The following TENM3 variants were observed in gnomAD, a reference collection of about 807,000 sequenced individuals.
The protein encoded by TENM3 is teneurin-3.
A neutral mutation model predicts 255.1 loss-of-function variants in TENM3; 63 were observed. That is an observed-to-expected ratio of 0.25 (90% CI 0.20 to 0.30). The LOEUF (loss-of-function observed/expected upper bound fraction) is 0.30. Ranked by LOEUF, TENM3 falls within the 10% of genes least tolerant of loss-of-function variation. TENM3 has a pLI of 1.00. For synonymous variants in TENM3, 1,306 were observed against 1,322.3 expected (o/e 0.99, Z 0.27); for missense variants, 2,929 against 3,461.1 (o/e 0.85, Z 3.86).
chr4:181,699,278 A>G, the TENM3 span, among the ~76,000 whole-genome samples: 1 of 151,740 alleles, frequency 6.6e-6, no homozygotes, highest in African/African-American at 2.4e-5. Flanking sequence ...AAAAAATACA[A>G]AAATTAGCCA....
At chr4:181,892,758 CGCGGT>C in the TENM3 span, among the ~76,000 whole-genome samples, 1 of 152,090 alleles carries the variant, frequency 6.6e-6, no homozygotes, top group African/African-American at 2.4e-5. Context: ...AACATGAGCC[CGCGGT>C]GGTTTTTCTC....
At chr4:182,411,389 C>T (rs1580450240) in intron 3 of TENM3, among the ~76,000 whole-genome samples, 2 of 152,302 alleles carry the variant, frequency 1.3e-5, no homozygotes, top group South Asian at 4.1e-4. Context: ...CACTATCCCT[C>T]CTGGGATCAA....
the TENM3 span, among the ~76,000 whole-genome samples, chr4:181,910,654 G>A: frequency 0.025 from 3,662 of 148,816 alleles, 146 homozygotes; most frequent in African/African-American, 0.085. Flanking sequence ...GTGTGTGTGT[G>A]TATTTTAGAG....
chr4:182,154,655 T>TC lies in TENM3; in HGVS notation c.-76+9903dup, dbSNP rs1750582373. 8.5e-5 allele frequency among the ~76,000 whole-genome samples: 13 copies of TC among 152,270 alleles called. No individual in the cohort carries two copies. In the South Asian group the frequency reaches 2.7e-3, roughly 32 times the overall value. On this transcript the variant is annotated intron_variant, in intron 1 of 2. Transcript: ENST00000512480. ...TACTCAGTCATTTAAGTGGGGTACC[T>TC]CCTCAGTACAGTCTGCAAAGTCCAT...
At chr4:181,888,529 T>G in the TENM3 span, among the ~76,000 whole-genome samples, 1 of 81,750 alleles carries the variant, frequency 1.2e-5, no homozygotes, top group African/African-American at 5.7e-5. Flanking sequence ...TATATATACA[T>G]ATATGTGTAT....
At chr4:181,705,160 C>T in the TENM3 span, among the ~76,000 whole-genome samples, 1 of 152,088 alleles carries the variant, frequency 6.6e-6, no homozygotes, top group Admixed American at 6.6e-5. Flanking sequence ...CAACATAATA[C>T]ATTTATTCCA....
chr4:181,664,491 C>CAAA, the TENM3 span, among the ~76,000 whole-genome samples: 3 of 48,418 alleles, frequency 6.2e-5, no homozygotes, highest in Admixed American at 2.0e-4. Flanking sequence ...AAAAACAAAA[C>CAAA]AAAAAAATAG....
the TENM3 span, among the ~76,000 whole-genome samples, chr4:181,872,609 T>A: frequency 6.6e-6 from 1 of 152,230 alleles, no homozygotes; most frequent in African/African-American, 2.4e-5. Context: ...TATTTCTTTA[T>A]TATCCTTTGA....
the TENM3 span, among the ~76,000 whole-genome samples, chr4:181,693,609 T>G: frequency 2.0e-5 from 3 of 152,174 alleles, no homozygotes; most frequent in African/African-American, 7.2e-5. Context: ...AGTCCTCATT[T>G]TTAAGCTCCA....
intron 3 of TENM3, among the ~76,000 whole-genome samples, chr4:182,436,372 C>T (rs547382621): frequency 1.2e-3 from 187 of 152,284 alleles, no homozygotes; most frequent in African/African-American, 4.0e-3. Flanking sequence ...TCATACTCAC[C>T]AGCTGCCCTG....
chr4:182,528,703 A>G (rs1334732132), intron 3 of TENM3, among the ~76,000 whole-genome samples: 1 of 152,252 alleles, frequency 6.6e-6, no homozygotes, highest in East Asian at 1.9e-4. Context: ...TTTAAACTGC[A>G]GGGTTGTCCA....
Position 182,561,985 on chromosome 4 carries a change from C to CAGATAGATAGATAGAT in TENM3, c.512-38905_512-38890dup, listed in dbSNP as rs60745078. On this transcript the variant is annotated intron_variant, in intron 3 of 27. Transcript: ENST00000511685. ...GTGTATATCCAGATAGATAGATAGACAGATAGATAGATAGATAGATAGATA... is the reference window on the plus strand; with the variant it reads ...GTGTATATCCAGATAGATAGATAGACAGATAGATAGATAGATAGATAGATAGATAGATAGATAGATA... Among the ~76,000 whole-genome samples the CAGATAGATAGATAGAT allele has an allele frequency of 1.9e-3, 270 of 145,308 alleles. 1 individual carries two copies. The highest frequency in any genetic ancestry group is 2.6e-3 in the African/African-American group (103 of 39,118).
At chr4:181,480,508 A>T in the TENM3 span, among the ~76,000 whole-genome samples, 2 of 152,066 alleles carry the variant, frequency 1.3e-5, no homozygotes, top group Non-Finnish European at 2.9e-5. Flanking sequence ...TGAACTGGTG[A>T]TATTATTCTA....
intron 3 of TENM3, among the ~76,000 whole-genome samples, chr4:182,583,579 G>A (rs995397434): frequency 9.2e-5 from 14 of 151,742 alleles, no homozygotes; most frequent in Admixed American, 5.3e-4. Flanking sequence ...TATAAGAATC[G>A]TCTTCTTTTC....
the TENM3 span, among the ~76,000 whole-genome samples, chr4:181,549,204 G>A: frequency 0.26 from 40,178 of 152,038 alleles, 5,764 homozygotes; most frequent in African/African-American, 0.4. Flanking sequence ...CTTTGACTAG[G>A]GAGAAACAGT....
chr4:181,609,826 G>A, the TENM3 span, among the ~76,000 whole-genome samples: 2 of 152,226 alleles, frequency 1.3e-5, no homozygotes, highest in African/African-American at 4.8e-5. Context: ...AATGTATGAG[G>A]CGCTGCAATA....
chr4:182,582,886 G>T (rs760594974), intron 3 of TENM3, among the ~76,000 whole-genome samples: 1 of 152,172 alleles, frequency 6.6e-6, no homozygotes, highest in Non-Finnish European at 1.5e-5. Context: ...GAATCGCAGC[G>T]ATTTGCCTTG....
chr4:182,555,139 C>T (rs1309653110), intron 3 of TENM3, among the ~76,000 whole-genome samples: 1 of 152,096 alleles, frequency 6.6e-6, no homozygotes, highest in Non-Finnish European at 1.5e-5. Flanking sequence ...ACATAATTAA[C>T]ATAAAAACCA....
At chr4:181,783,954 G>T in the TENM3 span, among the ~76,000 whole-genome samples, 3 of 152,130 alleles carry the variant, frequency 2.0e-5, 1 homozygote, top group Admixed American at 1.3e-4. Context: ...TCCAGCCTTG[G>T]CCTCCCAAAG....
Sources: allele counts gnomAD v4.1 joint callset (sites outside exome capture counted in the v4.1 genomes callset), GRCh38; gene constraint gnomAD v4.1.1; transcripts MANE v1.5; gene names NCBI Gene and HGNC (gene_info 2026-07-23, HGNC 2026-07-21).